The following IL1RAPL1 variants were observed in gnomAD, a reference collection of about 807,000 sequenced individuals.
IL1RAPL1 encodes interleukin-1 receptor accessory protein-like 1.
IL1RAPL1 carries 3 observed loss-of-function variants against 48.4 expected under a neutral mutation model. That is an observed-to-expected ratio of 0.06 (90% confidence interval 0.03 to 0.16). IL1RAPL1 has a LOEUF of 0.16. IL1RAPL1 is among the 10% of genes least tolerant of loss of function. The pLI, the probability that IL1RAPL1 is intolerant of heterozygous loss-of-function variation, is 1.00. For missense variants in IL1RAPL1, 349 were observed against 530.6 expected (o/e 0.66, Z 3.36); for synonymous variants, 185 against 187.7 (o/e 0.99, Z 0.12).
At chrX:29,876,238 A>G (rs1198718372) in intron 6 of IL1RAPL1, among the ~76,000 whole-genome samples, 1 of 111,595 alleles carries the variant, frequency 9.0e-6, no homozygotes, top group East Asian at 2.8e-4. Flanking sequence ...TACCACCAAT[A>G]TGCTTTATCA....
chrX:29,322,096 A>G (rs1932807184), intron 3 of IL1RAPL1, among the ~76,000 whole-genome samples: 1 of 111,211 alleles, frequency 9.0e-6, no homozygotes, highest in Non-Finnish European at 1.9e-5. Flanking sequence ...AGCCAAGTTC[A>G]TGGAGTTGCT....
Position 29,337,572 on chromosome X carries a change from T to C in IL1RAPL1, c.362+54355T>C, listed in dbSNP as rs190295918. ...CTCAGTTAACTTCAATGTCCCCATC[T>C]GAAAAATAGGAGTTGTGATAATGAT... On this transcript the variant is annotated intron_variant, in intron 3 of 10. Transcript: ENST00000378993. 6.2e-5 allele frequency among the ~76,000 whole-genome samples: 7 copies of C among 112,028 alleles called. No individual in the cohort carries two copies. The East Asian group carries it at 1.4e-3, about 22-fold the overall frequency.
chrX:29,921,822 C>T (rs1932850218), intron 8 of IL1RAPL1, among the ~76,000 whole-genome samples: 1 of 112,208 alleles, frequency 8.9e-6, no homozygotes, highest in Admixed American at 9.5e-5. Flanking sequence ...TTCCCCAAGA[C>T]AGCCCTTCAA....
chrX:28,895,186 C>G (rs977080054), intron 2 of IL1RAPL1, among the ~76,000 whole-genome samples: 3 of 110,334 alleles, frequency 2.7e-5, no homozygotes, highest in Non-Finnish European at 5.7e-5. Flanking sequence ...GGTGGGTAGG[C>G]AAAACAATTT....
At chrX:29,345,569 T>C (rs764968220) in intron 3 of IL1RAPL1, among the ~76,000 whole-genome samples, 4 of 111,945 alleles carry the variant, frequency 3.6e-5, no homozygotes, top group African/African-American at 1.3e-4. Flanking sequence ...ATATAGTATC[T>C]TATTTATCTT....
intron 6 of IL1RAPL1, among the ~76,000 whole-genome samples, chrX:29,746,823 G>A (rs138136989): frequency 0.069 from 7,684 of 111,990 alleles, 286 homozygotes; most frequent in Middle Eastern, 0.23. Context: ...GGCCAGGCTG[G>A]TCTTGAACTA....
chrX:28,906,765 GTATC>G (rs1377028660), intron 2 of IL1RAPL1, among the ~76,000 whole-genome samples: 4 of 110,449 alleles, frequency 3.6e-5, no homozygotes, highest in African/African-American at 9.9e-5. Flanking sequence ...TATTTCTTGA[GTATC>G]TATTATGTAT....
At chrX:29,319,558 G>GTATA (rs1555990684) in intron 3 of IL1RAPL1, among the ~76,000 whole-genome samples, 71 of 82,023 alleles carry the variant, frequency 8.7e-4, no homozygotes, top group African/African-American at 2.8e-3. Flanking sequence ...ATGTATGTAT[G>GTATA]TATCTATCTA....
chrX:29,888,966 C>T (rs1049503907), intron 6 of IL1RAPL1, among the ~76,000 whole-genome samples: 4 of 111,865 alleles, frequency 3.6e-5, no homozygotes, highest in Non-Finnish European at 5.6e-5. Context: ...ATCAAATTTT[C>T]TCTTATCTAT....
chrX:28,959,069 G>A (rs1924695141), intron 2 of IL1RAPL1, among the ~76,000 whole-genome samples: 1 of 111,036 alleles, frequency 9.0e-6, no homozygotes, highest in South Asian at 3.7e-4. Flanking sequence ...TAACTATAAA[G>A]AAATGTAACA....
At chrX:29,396,022 A>G (rs11796179) in intron 3 of IL1RAPL1, among the ~76,000 whole-genome samples, 28 of 112,176 alleles carry the variant, frequency 2.5e-4, no homozygotes, top group African/African-American at 8.8e-4. Flanking sequence ...ACCTGAATGT[A>G]AAACAAAACT....
At chrX:28,983,876 A>G (rs1925402601) in intron 2 of IL1RAPL1, among the ~76,000 whole-genome samples, 1 of 112,179 alleles carries the variant, frequency 8.9e-6, no homozygotes, top group African/African-American at 3.2e-5. Context: ...TGTTTCAACG[A>G]CATAAGTACA....
intron 5 of IL1RAPL1, among the ~76,000 whole-genome samples, chrX:29,488,330 C>T (rs775748767): frequency 3.6e-5 from 4 of 111,212 alleles, no homozygotes; most frequent in Non-Finnish European, 5.7e-5. Flanking sequence ...CCCAGCTACT[C>T]GGGAGGCTGA....
chrX:29,425,114 ACTTTCC>A (rs1251410962), intron 5 of IL1RAPL1, among the ~76,000 whole-genome samples: 2 of 111,819 alleles, frequency 1.8e-5, no homozygotes, highest in Non-Finnish European at 3.8e-5. Flanking sequence ...ATGACTTCAG[ACTTTCC>A]CTTTATACCA....
At chrX:29,674,832 T>A (rs1039423077) in intron 6 of IL1RAPL1, among the ~76,000 whole-genome samples, 2 of 112,024 alleles carry the variant, frequency 1.8e-5, no homozygotes, top group African/African-American at 6.5e-5. Flanking sequence ...TGGTTTTCTG[T>A]TCCTGCATTA....
intron 2 of IL1RAPL1, among the ~76,000 whole-genome samples, chrX:29,042,872 A>G (rs1015669219): frequency 8.9e-6 from 1 of 112,275 alleles, no homozygotes; most frequent in African/African-American, 3.2e-5. Context: ...TAAGTCATGG[A>G]GAAAATTAAT....
intron 5 of IL1RAPL1, among the ~76,000 whole-genome samples, chrX:29,579,932 T>G (rs1922902830): frequency 9.0e-6 from 1 of 111,723 alleles, no homozygotes. Flanking sequence ...TAGACTTTTT[T>G]GTTACAGATT....
At chrX:28,941,896 A>G (rs894593692) in intron 2 of IL1RAPL1, among the ~76,000 whole-genome samples, 1 of 109,818 alleles carries the variant, frequency 9.1e-6, no homozygotes, top group Non-Finnish European at 1.9e-5. Flanking sequence ...TAATAAATCT[A>G]ATTAAGTAAA....
chrX:29,160,824 C>T (rs887011542), intron 2 of IL1RAPL1, among the ~76,000 whole-genome samples: 3 of 112,129 alleles, frequency 2.7e-5, no homozygotes, highest in East Asian at 5.6e-4. Flanking sequence ...GAGGCCAAGG[C>T]GGGTAGATCG....
Sources: allele counts gnomAD v4.1 joint callset (sites outside exome capture counted in the v4.1 genomes callset), GRCh38; gene constraint gnomAD v4.1.1; transcripts MANE v1.5; gene names NCBI Gene and HGNC (gene_info 2026-07-23, HGNC 2026-07-21).